SLC6A20: variants seen among roughly 807,000 people sequenced by gnomAD.
SLC6A20 encodes the protein sodium- and chloride-dependent transporter XTRP3.
In SLC6A20, 73 loss-of-function variants were observed where a neutral mutation model predicts 64.3. That is an observed-to-expected ratio of 1.14 (90% CI 0.94 to 1.38). SLC6A20 has a LOEUF of 1.38. Ranked by LOEUF, SLC6A20 falls within the 40% of genes most tolerant of loss-of-function variation. SLC6A20 has a pLI of 0.00. For missense variants in SLC6A20, 725 were observed against 772.8 expected (o/e 0.94, Z 0.73); for synonymous variants, 347 against 329.6 (o/e 1.05, Z -0.57).
chr3:45,759,206 G>A, intron 10 of SLC6A20, 79 bp from the exon 11 acceptor site: 1 of 1,440,456 alleles, frequency 6.9e-7, no homozygotes, highest in Non-Finnish European at 9.3e-7. Flanking sequence ...CCGTGATGGG[G>A]AGGTGATGTG....
chr3:45,767,207 GATT>G, intron 7 of SLC6A20, among the ~76,000 whole-genome samples: 1 of 152,152 alleles, frequency 6.6e-6, no homozygotes, highest in East Asian at 1.9e-4. Context: ...TACTTTTTAT[GATT>G]ATCATGAGCC....
At chr3:45,764,708 CAAAAA>C (rs71288017) in intron 8 of SLC6A20, among the ~76,000 whole-genome samples, 1 of 107,256 alleles carries the variant, frequency 9.3e-6, no homozygotes. Flanking sequence ...TCTTTAAAAA[CAAAAA>C]AAAAAAAAAA....
Position 45,758,247 on chromosome 3 carries a change from G to A in SLC6A20, c.*731C>T. On this transcript the variant is annotated 3_prime_UTR_variant, in exon 11 of 11. Transcript: ENST00000358525. ...CCACTTTCATTCTCACCTCACAGTG[G>A]CTCCTGACTCCTTTTCCAATGCACC... 1 of 304,498 alleles carries A rather than the reference G, an allele frequency of 3.3e-6. No homozygotes were observed. Among genetic ancestry groups the A allele is most frequent in the South Asian group, 2.8e-5 (1 of 36,098 alleles). 18.9% of individuals were successfully genotyped at this position (304,498 alleles called of 1,614,324 possible).
rs199919727 is a variant in SLC6A20 at position 45,782,125 on chromosome 3, T to A, written c.220A>T (p.Ile74Phe). The A allele has an allele frequency of 3.1e-6, 5 of 1,613,584 alleles. No homozygotes were observed. Among genetic ancestry groups the A allele is most frequent in the Non-Finnish European group, 4.2e-6 (5 of 1,179,762 alleles). Reference sequence around the variant, plus strand: ...GGGCTGATGGTCCTCCAGGCGCCGATGCTGCCCTGCCGCATGCGCTGCCCC... The same window carrying A: ...GGGCTGATGGTCCTCCAGGCGCCGAAGCTGCCCTGCCGCATGCGCTGCCCC... ...AVGQRMRQGS[I>F]GAWRTISPYL... is the part of the protein sequence containing the mutation. Residue 74 changes from isoleucine (I) to phenylalanine (F), a missense_variant, in exon 2 of 11, where the codon ATC (isoleucine) becomes TTC (phenylalanine). Coordinates refer to ENST00000358525, the MANE Select transcript of SLC6A20 (RefSeq NM_020208.4).
intron 6 of SLC6A20, 25 bp downstream of exon 6, chr3:45,771,192 A>G (rs1042020327): frequency 1.2e-6 from 2 of 1,613,550 alleles, no homozygotes; most frequent in Non-Finnish European, 1.7e-6. Context: ...GAGGCCTGGG[A>G]CTCGGTGGGA....
chr3:45,759,823 G>A (rs1186693170), intron 10 of SLC6A20, 34 bp downstream of exon 10: 11 of 1,580,246 alleles, frequency 7.0e-6, no homozygotes, highest in Non-Finnish European at 9.4e-6. Context: ...TGGCCATGGG[G>A]GCCCAGCGCC....
chr3:45,768,565 G>GC (rs1316575177), intron 7 of SLC6A20, among the ~76,000 whole-genome samples: 1 of 152,234 alleles, frequency 6.6e-6, no homozygotes, highest in Non-Finnish European at 1.5e-5. Context: ...TCTGATGCCT[G>GC]CCTGGGGAAG....
intron 1 of SLC6A20, among the ~76,000 whole-genome samples, chr3:45,784,908 G>A (rs895034779): frequency 2.0e-5 from 3 of 152,260 alleles, no homozygotes; most frequent in Non-Finnish European, 4.4e-5. Context: ...GGGAGCAAGA[G>A]GGGGCTGAAC....
intron 9 of SLC6A20, 111 bp from the exon 10 acceptor site, chr3:45,760,133 G>A: frequency 7.8e-7 from 1 of 1,280,330 alleles, no homozygotes; most frequent in Non-Finnish European, 1.1e-6. Flanking sequence ...GGTGGTAAAG[G>A]ATGTCTGAGC....
Position 45,778,016 on chromosome 3 carries a change from G to A in SLC6A20, c.354+1993C>T, listed in dbSNP as rs193080417. On this transcript the variant is annotated intron_variant, in intron 3 of 10. Transcript: ENST00000358525. ...CCCAGTGTGCAGCCAGGTTGAAGAA[G>A]GTTTAGCGTATAGGAGAACTTGTTA... 4.6e-5 allele frequency among the ~76,000 whole-genome samples: 7 copies of A among 152,338 alleles called. No individual in the cohort carries two copies. In the East Asian group the frequency reaches 9.6e-4, roughly 21 times the overall value.
intron 3 of SLC6A20, among the ~76,000 whole-genome samples, chr3:45,779,300 G>A (rs567488281): frequency 1.3e-5 from 2 of 152,376 alleles, no homozygotes; most frequent in East Asian, 3.9e-4. Flanking sequence ...ACAGAAATGA[G>A]CATGAGCAGT....
At position 45,782,125 on chromosome 3, in the gene SLC6A20, T is replaced by C. The variant is rs199919727; in HGVS notation, c.220A>G (p.Ile74Val). The change falls in exon 2 of 11, where the codon ATC (isoleucine) becomes GTC (valine). Residue 74 changes from isoleucine to valine, a missense_variant. Physicochemically the swap from Ile to Val is conservative, Grantham distance 29. Coordinates refer to ENST00000358525, the MANE Select transcript of SLC6A20 (RefSeq NM_020208.4). The part of the protein sequence containing the change: ...AVGQRMRQGS[I>V]GAWRTISPYL... ...GGGCTGATGGTCCTCCAGGCGCCGA[T>C]GCTGCCCTGCCGCATGCGCTGCCCC... 40 of 1,613,584 alleles carry C rather than the reference T, an allele frequency of 2.5e-5. No homozygotes were observed. The African/African-American group carries it at 4.9e-4, about 20-fold the overall frequency.
At chr3:45,774,955 T>C (rs1041360743) in intron 4 of SLC6A20, among the ~76,000 whole-genome samples, 2 of 152,096 alleles carry the variant, frequency 1.3e-5, no homozygotes, top group African/African-American at 2.4e-5. Context: ...TGACACAATG[T>C]GGGTGCTCAA....
At chr3:45,788,012 C>T (rs999456721) in intron 1 of SLC6A20, among the ~76,000 whole-genome samples, 1 of 152,140 alleles carries the variant, frequency 6.6e-6, no homozygotes, top group African/African-American at 2.4e-5. Context: ...GTGGTGCGAT[C>T]ACGGCTCACT....
chr3:45,762,083 T>G (rs538957021), intron 9 of SLC6A20, among the ~76,000 whole-genome samples: 1 of 152,128 alleles, frequency 6.6e-6, no homozygotes, highest in Non-Finnish European at 1.5e-5. Context: ...CTGCCCAAAC[T>G]GTGATGTGCC....
chr3:45,773,500 C>T (rs1368727614), intron 4 of SLC6A20, among the ~76,000 whole-genome samples: 1 of 152,212 alleles, frequency 6.6e-6, no homozygotes, highest in Non-Finnish European at 1.5e-5. Context: ...GAATACAGAC[C>T]TTCAAGTGCA....
At position 45,782,176 on chromosome 3, in the gene SLC6A20, G is replaced by C; in HGVS notation, c.169C>G (p.Pro57Ala). 2.5e-6 allele frequency: 4 copies of C among 1,613,780 alleles called. No homozygotes were observed. Among genetic ancestry groups the C allele is most frequent in the Non-Finnish European group, 3.4e-6 (4 of 1,179,872 alleles). The change falls in exon 2 of 11, where the codon CCG (proline) becomes GCG (alanine). Residue 57 changes from proline (P) to alanine (A), a missense_variant. Physicochemically the swap from Pro to Ala is conservative, Grantham distance 27. Transcript: ENST00000358525. ...YIIMLIVEGM[P>A]LLYLELAVGQ... ...ACAGCCAGTTCCAGGTACAAGAGCGGCATTCCCTCCACGATAAGCATGATG... is the reference window on the plus strand; with the variant it reads ...ACAGCCAGTTCCAGGTACAAGAGCGCCATTCCCTCCACGATAAGCATGATG...
chr3:45,780,749 T>C (rs576940167), intron 2 of SLC6A20, among the ~76,000 whole-genome samples: 2 of 152,134 alleles, frequency 1.3e-5, no homozygotes, highest in South Asian at 4.1e-4. Flanking sequence ...AGAACCAGCG[T>C]CCCCTCCTCT....
intron 8 of SLC6A20, among the ~76,000 whole-genome samples, chr3:45,763,797 C>T (rs1286755276): frequency 6.6e-6 from 1 of 152,182 alleles, no homozygotes; most frequent in Non-Finnish European, 1.5e-5. Context: ...TCCCTGGGGA[C>T]CCCATGCATG....
Sources: gnomAD v4.1 joint callset for allele counts (sites outside exome capture counted in the v4.1 genomes callset) on GRCh38, gnomAD v4.1.1 for gene constraint, MANE v1.5 for transcripts, NCBI Gene and HGNC (gene_info 2026-07-23, HGNC 2026-07-21) for gene names.